CYB5RL: variants seen among roughly 807,000 people sequenced by gnomAD.
The protein encoded by CYB5RL is NADH-cytochrome b5 reductase-like.
In CYB5RL, 38 loss-of-function variants were observed where a neutral mutation model predicts 37.5. The ratio of observed to expected loss-of-function variants is 1.01; its 90% CI spans 0.78 to 1.33. The LOEUF (loss-of-function observed/expected upper bound fraction) is 1.33, where lower values mean the gene tolerates loss of function less well. Ranked by LOEUF, CYB5RL falls within the 40% of genes most tolerant of loss-of-function variation. The pLI is 0.00. For missense variants in CYB5RL, 388 were observed against 394.4 expected, an observed-to-expected ratio of 0.98 and a Z score of 0.14; for synonymous variants, 141 against 151.9, an observed-to-expected ratio of 0.93 and a Z score of 0.53.
In CYB5RL at chr1:54,172,983, ATAGT is replaced by A. The variant is rs1440926073; in HGVS notation, c.*1632_*1635del. ...TACGAAACCCACAGAAAAGTGTTCT[ATAGT>A]TAAATAAGCTTGAAAAACTCTGGAT... On this transcript the variant is annotated 3_prime_UTR_variant, in exon 8 of 8. Transcript: ENST00000534324. 2.0e-5 allele frequency: 3 copies of A among 152,248 alleles called. No individual in the cohort carries two copies. The highest frequency in any genetic ancestry group is 7.2e-5 in the African/African-American group (3 of 41,468). 9.4% of individuals were successfully genotyped at this position (152,248 alleles called of 1,614,324 possible).
intron 1 of CYB5RL, among the ~76,000 whole-genome samples, chr1:54,198,408 C>T (rs1316632004): frequency 6.6e-6 from 1 of 151,364 alleles, no homozygotes; most frequent in Non-Finnish European, 1.5e-5. Context: ...TCTCAGCTCA[C>T]TGCCAGCTCT....
chr1:54,180,723 A>G (rs1557719834), intron 6 of CYB5RL, among the ~76,000 whole-genome samples: 1 of 152,180 alleles, frequency 6.6e-6, no homozygotes. Flanking sequence ...CTGGGTATAA[A>G]TCCCCAACCA....
chr1:54,187,522 C>G (rs1643911611), intron 5 of CYB5RL, 130 bp downstream of exon 5: 9 of 812,974 alleles, frequency 1.1e-5, no homozygotes, highest in Non-Finnish European at 1.8e-5. Flanking sequence ...AAAGGACTTA[C>G]TTCCCCAATT....
At chr1:54,183,653 T>C (rs1487970564) in intron 6 of CYB5RL, among the ~76,000 whole-genome samples, 1 of 152,102 alleles carries the variant, frequency 6.6e-6, no homozygotes, top group Non-Finnish European at 1.5e-5. Flanking sequence ...CTGGGTAGCT[T>C]TGGAGCTGGG....
At chr1:54,174,899 G>A (rs950451304) in intron 7 of CYB5RL, 77 bp from the exon 8 acceptor site, 5 of 1,472,478 alleles carry the variant, frequency 3.4e-6, no homozygotes, top group Non-Finnish European at 4.6e-6. Flanking sequence ...GCTCTCCTCT[G>A]CAAAATGAGG....
chr1:54,184,287 C>G lies in CYB5RL; in HGVS notation c.436-22G>C, dbSNP rs201508462. 12 of 1,603,922 alleles carry G rather than the reference C, an allele frequency of 7.5e-6. No individual in the cohort carries two copies. In the South Asian group the frequency reaches 1.3e-4, roughly 18 times the overall value. ...AGCACTGGAAGCAAACACAGGGAGA[C>G]GTCAGCGGGACAGGTACATGCTGCC... is the stretch of plus-strand genomic sequence containing the variant. On this transcript the variant is annotated intron_variant, in intron 5 of 7. Coordinates refer to ENST00000534324, the MANE Select transcript of CYB5RL (RefSeq NM_001031672.4).
intron 5 of CYB5RL, chr1:54,185,276 G>A (rs1269081035): frequency 6.6e-6 from 1 of 150,562 alleles, no homozygotes; most frequent in Non-Finnish European, 1.5e-5. Context: ...ATGGCTTCCT[G>A]GGGGAGGAAG....
rs1027636990 is a variant in CYB5RL, at chr1:54,172,000, C to T, written c.*2619G>A. 5.0e-5 allele frequency: 8 copies of T among 159,826 alleles called. No individual in the cohort carries two copies. Among genetic ancestry groups the T allele is most frequent in the Non-Finnish European group, 8.4e-5 (6 of 71,682 alleles). The allele number at this position is 159,826 out of a possible 1,614,324, so 9.9% of individuals were successfully genotyped here. On this transcript the variant is annotated 3_prime_UTR_variant, in exon 8 of 8. Transcript: ENST00000534324. ...GCAGCCAGGCTGCACAGAACCTACA[C>T]GGAGTGAGGGGAAGAGGAGGCCAAC...
intron 3 of CYB5RL, among the ~76,000 whole-genome samples, chr1:54,194,056 A>T (rs1410402116): frequency 6.7e-6 from 1 of 149,486 alleles, no homozygotes; most frequent in Non-Finnish European, 1.5e-5. Flanking sequence ...TAATAATGTC[A>T]TGTTGTTTTG....
At chr1:54,191,639 C>T (rs1258795725) in intron 3 of CYB5RL, among the ~76,000 whole-genome samples, 1 of 152,240 alleles carries the variant, frequency 6.6e-6, no homozygotes, top group African/African-American at 2.4e-5. Flanking sequence ...CCCCTCAATC[C>T]CAGCTTAGGG....
chr1:54,190,702 C>A, intron 4 of CYB5RL, 46 bp downstream of exon 4: 1 of 1,550,822 alleles, frequency 6.4e-7, no homozygotes, highest in South Asian at 1.2e-5. Context: ...TAGCAAATAG[C>A]AAAGCAGGGC....
Position 54,179,330 on chromosome 1 carries a change from G to A in CYB5RL, c.563C>T (p.Ala188Val). The A allele has an allele frequency of 6.2e-7, 1 of 1,613,358 alleles. No individual in the cohort carries two copies. The highest frequency in any genetic ancestry group is 8.5e-7 in the Non-Finnish European group (1 of 1,179,782). ...PNQYGELLLL[A>V]AGTGLAPMVP... ...CATGGGGGCCAGGCCCGTGCCCGCA[G>A]CCAGCAAGAGGAGCTCACCATACTG... The change falls in exon 7 of 8, where the codon GCT (alanine) becomes GTT (valine). Residue 188 changes from alanine to valine, a missense_variant. Physicochemically the swap from Ala to Val is moderately conservative, Grantham distance 64. Coordinates refer to ENST00000534324, the MANE Select transcript of CYB5RL (RefSeq NM_001031672.4).
At chr1:54,197,904 C>T (rs747314567) in intron 1 of CYB5RL, among the ~76,000 whole-genome samples, 22 of 151,434 alleles carry the variant, frequency 1.5e-4, no homozygotes, top group East Asian at 9.8e-4. Flanking sequence ...GGTGGGCACC[C>T]GTAGTCCCAG....
In CYB5RL at chr1:54,174,748, A is replaced by G. The variant is rs1188864306; in HGVS notation, c.819T>C (p.Ile273=). The stretch of plus-strand genomic sequence containing the variant: ...TCCGACAGCAGCTGACCAGCTCTTT[A>G]ATTAGGTCCTGGCCCAGGTGGCCAA... The part of the protein sequence containing the change: ...THFGHLGQDL[I]KELVSCCRRK... Residue 273 remains isoleucine, a synonymous_variant, in exon 8 of 8, where the codon ATT becomes ATC. Coordinates refer to ENST00000534324, the MANE Select transcript of CYB5RL (RefSeq NM_001031672.4). The G allele has an allele frequency of 6.2e-7, 1 of 1,614,004 alleles. No homozygotes were observed. The highest frequency in any genetic ancestry group is 8.5e-7 in the Non-Finnish European group (1 of 1,179,894).
rs1254343417 is a variant in CYB5RL, at chr1:54,171,492, G to A, written c.*3127C>T. The A allele has an allele frequency of 6.6e-6, 3 of 451,828 alleles. No homozygotes were observed. Among genetic ancestry groups the A allele is most frequent in the African/African-American group, 2.0e-5 (1 of 49,938 alleles). The allele number at this position is 451,828 out of a possible 1,614,324, so 28.0% of individuals were successfully genotyped here. A position where few individuals can be genotyped will look rare whatever the true frequency, so the allele number is the denominator to read the frequency against. On this transcript the variant is annotated 3_prime_UTR_variant, in exon 8 of 8. Transcript: ENST00000534324. Reference sequence around the variant, plus strand: ...CCCATGAGGGGAACACAGAAGTGACGTTGGTAAACATGGTGAGGGCTGAAC... The same window carrying A: ...CCCATGAGGGGAACACAGAAGTGACATTGGTAAACATGGTGAGGGCTGAAC...
chr1:54,184,164 GT>G lies in CYB5RL; in HGVS notation c.536del (p.Asn179ThrfsTer49). 1 of 1,612,818 alleles carries G rather than the reference GT, an allele frequency of 6.2e-7. No homozygotes were observed. The highest frequency in any genetic ancestry group is 8.5e-7 in the Non-Finnish European group (1 of 1,179,474). On this transcript the variant is annotated frameshift_variant, in exon 6 of 8. Transcript: ENST00000534324. LOFTEE classifies it high-confidence loss of function. The part of the protein sequence containing the change: ...GPFGDFFYKP[N>X]QYGELLLLAA... ...GATTTAAGGTGCTGGCACTGACCTG[GT>G]TTGGTTTATAGAAGAAATCTCCGAA...
At position 54,171,895 on chromosome 1, in the gene CYB5RL, C is replaced by T. The variant is rs926204636; in HGVS notation, c.*2724G>A. The T allele has an allele frequency of 4.0e-5, 7 of 175,120 alleles. No individual in the cohort carries two copies. The highest frequency in any genetic ancestry group is 2.7e-4 in the South Asian group (2 of 7,310). The allele number at this position is 175,120 out of a possible 1,614,324, so 10.8% of individuals were successfully genotyped here. On this transcript the variant is annotated 3_prime_UTR_variant, in exon 8 of 8. Transcript: ENST00000534324. ...GACCCTGCACTCTCAAGTTTCCAGG[C>T]GACAGGAGCCCTTTAGGCTTCTTGG...
At chr1:54,198,907 A>G (rs1225961393) in intron 1 of CYB5RL, among the ~76,000 whole-genome samples, 1 of 152,002 alleles carries the variant, frequency 6.6e-6, no homozygotes, top group East Asian at 1.9e-4. Flanking sequence ...AAGTGTTGGG[A>G]TTACAGGTGT....
chr1:54,181,394 C>T (rs865808038), intron 6 of CYB5RL, among the ~76,000 whole-genome samples: 1 of 152,214 alleles, frequency 6.6e-6, no homozygotes, highest in Non-Finnish European at 1.5e-5. Context: ...CCCAGAGTCC[C>T]CTGGCCCTGG....
Sources: gnomAD v4.1 joint callset for allele counts (sites outside exome capture counted in the v4.1 genomes callset) on GRCh38, gnomAD v4.1.1 for gene constraint, MANE v1.5 for transcripts, NCBI Gene and HGNC (gene_info 2026-07-23, HGNC 2026-07-21) for gene names.